NCOA6: variants seen among roughly 807,000 people sequenced by gnomAD.
NCOA6 encodes the protein nuclear receptor coactivator 6.
In NCOA6, 49 loss-of-function variants were observed where a neutral mutation model predicts 171.4. The observed-to-expected ratio is 0.29, with a 90% CI of 0.23 to 0.36. The LOEUF is 0.36. Ranked by LOEUF, NCOA6 falls within the 10% of genes least tolerant of loss-of-function variation. The pLI, the probability that NCOA6 is intolerant of heterozygous loss-of-function variation, is 1.00. For synonymous variants in NCOA6, 910 were observed against 927.5 expected (o/e 0.98, Z 0.34); for missense variants, 2,248 against 2,554.5 (o/e 0.88, Z 2.59).
chr20:34,804,329 C>G (rs2078369357), intron 1 of NCOA6, among the ~76,000 whole-genome samples: 1 of 151,314 alleles, frequency 6.6e-6, no homozygotes, highest in East Asian at 1.9e-4. Context: ...AGAGGGAGAC[C>G]TTGTCATAAA....
At chr20:34,799,493 A>G (rs549252768) in intron 1 of NCOA6, among the ~76,000 whole-genome samples, 1 of 152,354 alleles carries the variant, frequency 6.6e-6, no homozygotes, top group South Asian at 2.1e-4. Flanking sequence ...AAAGTTATAG[A>G]ACACAAGCCA....
intron 1 of NCOA6, among the ~76,000 whole-genome samples, chr20:34,796,611 G>T (rs1217002247): frequency 1.3e-5 from 2 of 152,002 alleles, no homozygotes; most frequent in African/African-American, 4.8e-5. Context: ...CTATAAGTTC[G>T]AGACCAGCCC....
intron 4 of NCOA6, among the ~76,000 whole-genome samples, chr20:34,769,172 A>C (rs2077064824): frequency 6.6e-6 from 1 of 152,138 alleles, no homozygotes; most frequent in Admixed American, 6.5e-5. Context: ...GAGACACCTA[A>C]TGACAGGACC....
intron 3 of NCOA6, among the ~76,000 whole-genome samples, chr20:34,781,350 T>C (rs955686594): frequency 5.9e-5 from 9 of 152,230 alleles, no homozygotes; most frequent in Non-Finnish European, 1.5e-5. Flanking sequence ...TTGTGCTAAC[T>C]AGAATAGAGA....
rs576934775 is a variant in NCOA6 at position 34,746,463 on chromosome 20, G to A, written c.2914+344C>T. Among the ~76,000 whole-genome samples, 186 of 152,238 alleles carry A rather than the reference G, an allele frequency of 1.2e-3. 1 individual carries two copies. The highest frequency in any genetic ancestry group is 2.5e-3 in the Non-Finnish European group (167 of 68,022). On this transcript the variant is annotated intron_variant, in intron 10 of 14. Coordinates refer to ENST00000359003, the MANE Select transcript of NCOA6 (RefSeq NM_014071.5). Reference sequence around the variant, plus strand: ...TCACCATGTTGCCCAGGCTGGTCTTGAACACTTGCGCTCAAGCGATCTGCT... The same window carrying A: ...TCACCATGTTGCCCAGGCTGGTCTTAAACACTTGCGCTCAAGCGATCTGCT...
chr20:34,741,201 G>T lies in NCOA6; in HGVS notation c.5055C>A (p.Thr1685=), dbSNP rs2076131288. Residue 1685 remains threonine (T), a synonymous_variant, in exon 11 of 15, where the codon ACC becomes ACA. Coordinates refer to ENST00000359003, the MANE Select transcript of NCOA6 (RefSeq NM_014071.5). The part of the protein sequence containing the change: ...PSTIPAAPLT[T]NSGLMPPSVA... ...CAGAGGGAGGCATCAGGCCAGAGTT[G>T]GTTGTCAGTGGGGCTGCAGGAATTG... is the stretch of plus-strand genomic sequence containing the variant. 6.2e-7 allele frequency: 1 copy of T among 1,614,246 alleles called. No individual in the cohort carries two copies. Among genetic ancestry groups the T allele is most frequent in the African/African-American group, 1.3e-5 (1 of 75,054 alleles).
intron 1 of NCOA6, among the ~76,000 whole-genome samples, chr20:34,803,771 G>T (rs1386233087): frequency 6.7e-6 from 1 of 149,840 alleles, no homozygotes; most frequent in Non-Finnish European, 1.5e-5. Context: ...TGAGGCAGGC[G>T]GATCACTTGA....
intron 1 of NCOA6, among the ~76,000 whole-genome samples, chr20:34,797,498 T>A (rs939599909): frequency 6.6e-6 from 1 of 151,954 alleles, no homozygotes; most frequent in Non-Finnish European, 1.5e-5. Flanking sequence ...TGTGGGGCCA[T>A]GAGTGAGACT....
At chr20:34,804,506 CAAA>C (rs11482821) in intron 1 of NCOA6, among the ~76,000 whole-genome samples, 8 of 113,822 alleles carry the variant, frequency 7.0e-5, no homozygotes, top group Admixed American at 1.0e-4. Context: ...GACCCTGTCT[CAAA>C]AAAAAAAAAA....
In NCOA6 at chr20:34,720,341, A is replaced by G. The variant is rs1044137821; in HGVS notation, c.6149-4976T>C. The stretch of plus-strand genomic sequence containing the variant: ...TGTGGTAGCTAATTTTTGTGTAATT[A>G]TAAGTGACCCAACCAACAAAAACAA... On this transcript the variant is annotated intron_variant, in intron 14 of 14. Transcript: ENST00000359003. 7.9e-5 allele frequency among the ~76,000 whole-genome samples: 12 copies of G among 152,250 alleles called. 1 individual carries two copies. Among genetic ancestry groups the G allele is most frequent in the Admixed American group, 3.9e-4 (6 of 15,284 alleles).
chr20:34,738,409 T>C (rs973074654), intron 11 of NCOA6, among the ~76,000 whole-genome samples: 1 of 152,192 alleles, frequency 6.6e-6, no homozygotes, highest in Non-Finnish European at 1.5e-5. Context: ...TTTCTCTTGA[T>C]ACCAGAGGGA....
In NCOA6 at chr20:34,742,575, G is replaced by A; in HGVS notation, c.3681C>T (p.Asn1227=). The change falls in exon 11 of 15, where the codon AAC becomes AAT. Residue 1227 remains asparagine, a synonymous_variant. Coordinates refer to ENST00000359003, the MANE Select transcript of NCOA6 (RefSeq NM_014071.5). ...PRPYYPQTPN[N]RPPSTEPSEI... Reference sequence around the variant, plus strand: ...CTGAAGGTTCTGTGCTGGGAGGGCGGTTGTTGGGTGTCTGAGGATAATAGG... The same window carrying A: ...CTGAAGGTTCTGTGCTGGGAGGGCGATTGTTGGGTGTCTGAGGATAATAGG... 1 of 1,614,196 alleles carries A rather than the reference G, an allele frequency of 6.2e-7. No individual in the cohort carries two copies. The highest frequency in any genetic ancestry group is 1.1e-5 in the South Asian group (1 of 91,084).
chr20:34,785,654 A>T (rs1224620992), intron 2 of NCOA6, among the ~76,000 whole-genome samples: 1 of 152,160 alleles, frequency 6.6e-6, no homozygotes, highest in Non-Finnish European at 1.5e-5. Context: ...CAGCTATTCC[A>T]AAGTTGGAAC....
At chr20:34,758,232 G>T in intron 6 of NCOA6, 128 bp from the exon 7 acceptor site, 2 of 1,251,324 alleles carry the variant, frequency 1.6e-6, no homozygotes, top group Admixed American at 2.7e-5. Context: ...AAATGCTTGT[G>T]AATACCTTCT....
At chr20:34,759,067 G>T in intron 5 of NCOA6, 134 bp from the exon 6 acceptor site, 1 of 938,662 alleles carries the variant, frequency 1.1e-6, no homozygotes, top group Non-Finnish European at 1.5e-6. Context: ...CTGTTGCCCA[G>T]TCTGCCAAGT....
At chr20:34,786,009 AC>A in intron 2 of NCOA6, among the ~76,000 whole-genome samples, 1 of 152,122 alleles carries the variant, frequency 6.6e-6, no homozygotes, top group Non-Finnish European at 1.5e-5. Context: ...CAATTTCAGA[AC>A]TTGTTAATTG....
chr20:34,727,293 A>T lies in NCOA6; in HGVS notation c.6114T>A (p.Ser2038=), dbSNP rs759472867. 1 of 1,614,238 alleles carries T rather than the reference A, an allele frequency of 6.2e-7. No homozygotes were observed. Among genetic ancestry groups the T allele is most frequent in the Non-Finnish European group, 8.5e-7 (1 of 1,180,044 alleles). ...AGCTGGAGGCTGAAGCAGGTCGAGAAGATCGTTTACGATGTCCATTTTCCA... is the reference window on the plus strand; with the variant it reads ...AGCTGGAGGCTGAAGCAGGTCGAGATGATCGTTTACGATGTCCATTTTCCA... ...ESVENGHRKR[S]SRPASASSST... Residue 2038 remains serine, a synonymous_variant, in exon 14 of 15, where the codon TCT becomes TCA. Coordinates refer to ENST00000359003, the MANE Select transcript of NCOA6 (RefSeq NM_014071.5).
chr20:34,715,287 C>T lies in NCOA6; in HGVS notation c.*35G>A. 4 of 1,613,592 alleles carry T rather than the reference C, an allele frequency of 2.5e-6. No homozygotes were observed. Among genetic ancestry groups the T allele is most frequent in the East Asian group, 2.2e-5 (1 of 44,858 alleles). On this transcript the variant is annotated 3_prime_UTR_variant, in exon 15 of 15. Coordinates refer to ENST00000359003, the MANE Select transcript of NCOA6 (RefSeq NM_014071.5). ...AAAATTGCTCTTTGTAAAAGTCACA[C>T]ACATTTCCAAGTATCAAGTCGCAGT...
intron 9 of NCOA6, among the ~76,000 whole-genome samples, chr20:34,748,692 A>C (rs1024402376): frequency 1.3e-5 from 2 of 152,246 alleles, no homozygotes; most frequent in African/African-American, 4.8e-5. Context: ...CTTGCAAAAT[A>C]ACTCACCTGG....
Sources: allele counts gnomAD v4.1 joint callset (sites outside exome capture counted in the v4.1 genomes callset), GRCh38; gene constraint gnomAD v4.1.1; transcripts MANE v1.5; gene names NCBI Gene and HGNC (gene_info 2026-07-23, HGNC 2026-07-21).